NDUFAF6: variants seen among roughly 807,000 people sequenced by gnomAD.
NDUFAF6 encodes NADH dehydrogenase (ubiquinone) complex I, assembly factor 6.
In NDUFAF6, 45 loss-of-function variants were observed where a neutral mutation model predicts 40.8. The observed-to-expected ratio is 1.10, with a 90% CI of 0.87 to 1.42. The LOEUF is 1.42. Among genes scored for constraint, NDUFAF6 ranks in the 40% most tolerant of loss-of-function variants. NDUFAF6 has a pLI of 0.00. For missense variants in NDUFAF6, 435 were observed against 418.5 expected (o/e 1.04, Z -0.34); for synonymous variants, 185 against 155.9 (o/e 1.19, Z -1.39).
intron 7 of NDUFAF6, among the ~76,000 whole-genome samples, chr8:95,051,063 T>TA (rs925325902): frequency 8.6e-5 from 13 of 152,028 alleles, no homozygotes; most frequent in African/African-American, 2.9e-4. Context: ...GATGGACTAT[T>TA]AAAAAAATGC....
upstream of NDUFAF6, among the ~76,000 whole-genome samples, chr8:94,955,595 G>A (rs949023700): frequency 6.6e-6 from 1 of 152,206 alleles, no homozygotes; most frequent in Admixed American, 6.5e-5. Context: ...GAAATAGGAT[G>A]TTATTTATTT....
upstream of NDUFAF6, among the ~76,000 whole-genome samples, chr8:95,020,460 T>G (rs1387091826): frequency 6.6e-6 from 1 of 152,168 alleles, no homozygotes; most frequent in Non-Finnish European, 1.5e-5. Flanking sequence ...TATGGTGCCT[T>G]GTTATAAATG....
At chr8:94,968,993 A>C (rs894829624) in intron 1 of NDUFAF6, among the ~76,000 whole-genome samples, 18 of 152,094 alleles carry the variant, frequency 1.2e-4, no homozygotes, top group African/African-American at 4.8e-5. Context: ...GATGAACCTG[A>C]GAGAGCAAAT....
chr8:95,078,662 A>AAAAAAATATATATATATATATAT (rs545018367), downstream of NDUFAF6: 2 of 121,050 alleles, frequency 1.7e-5, no homozygotes, highest in African/African-American at 6.6e-5. Flanking sequence ...AAAAAAAAAA[A>AAAAAAATATATATATATATATAT]ATATATATAT....
At chr8:95,080,209 T>C (rs1302811857), downstream of NDUFAF6, among the ~76,000 whole-genome samples, 1 of 151,724 alleles carries the variant, frequency 6.6e-6, no homozygotes, top group Non-Finnish European at 1.5e-5. Context: ...TTTTTTGTAG[T>C]GTATTTTTGT....
chr8:95,068,847 T>C (rs1832763340), intron 9 of NDUFAF6: 1 of 151,876 alleles, frequency 6.6e-6, no homozygotes, highest in African/African-American at 2.4e-5. Flanking sequence ...CCACTCCAAT[T>C]TCTTTTCTGC....
chr8:95,015,614 T>TA (rs1827408778), intron 2 of NDUFAF6, among the ~76,000 whole-genome samples: 1 of 152,236 alleles, frequency 6.6e-6, no homozygotes, highest in African/African-American at 2.4e-5. Flanking sequence ...ACTTTGAGCA[T>TA]TCACTTATTT....
intron 1 of NDUFAF6, among the ~76,000 whole-genome samples, chr8:94,936,379 G>C (rs568840790): frequency 6.6e-6 from 1 of 152,316 alleles, no homozygotes; most frequent in East Asian, 1.9e-4. Context: ...CTCTGGAACT[G>C]TGTGAGGAGC....
chr8:94,907,426 G>A (rs150608308), intron 1 of NDUFAF6, among the ~76,000 whole-genome samples: 1 of 152,312 alleles, frequency 6.6e-6, no homozygotes, highest in African/African-American at 2.4e-5. Flanking sequence ...CGTGCTGTGT[G>A]AGACACAGAT....
intron 8 of NDUFAF6, among the ~76,000 whole-genome samples, chr8:95,053,028 T>G (rs1238552632): frequency 6.6e-6 from 1 of 152,208 alleles, no homozygotes; most frequent in African/African-American, 2.4e-5. Flanking sequence ...TTGTAATCTT[T>G]GAAAATTGTA....
chr8:95,011,481 C>G lies in NDUFAF6; in HGVS notation c.-83-20514C>G, dbSNP rs187240173. Among the ~76,000 whole-genome samples the G allele has an allele frequency of 9.2e-5, 14 of 152,282 alleles. No individual in the cohort carries two copies. The East Asian group carries it at 2.1e-3, about 23-fold the overall frequency. ...TTCTTGCTTTAAGTGGCACTTTCCA[C>G]TTCTTATTCCAGAGGGAAATAACTG... is the stretch of plus-strand genomic sequence containing the variant. On this transcript the variant is annotated intron_variant, in intron 2 of 9. Transcript: ENST00000396111.
At chr8:94,985,676 C>T (rs1825846445) in intron 2 of NDUFAF6, among the ~76,000 whole-genome samples, 1 of 147,610 alleles carries the variant, frequency 6.8e-6, no homozygotes, top group Non-Finnish European at 1.5e-5. Context: ...GGTGGGATTA[C>T]AGGCATGCAC....
chr8:94,965,289 C>G (rs1823924512), intron 1 of NDUFAF6, among the ~76,000 whole-genome samples: 1 of 152,166 alleles, frequency 6.6e-6, no homozygotes, highest in South Asian at 2.1e-4. Context: ...CCAACAGGTG[C>G]AAAGACAGTC....
chr8:95,075,817 G>A (rs6980872), exon 10 of NDUFAF6: 156,356 of 605,108 alleles, frequency 0.26, 20,744 homozygotes, highest in Middle Eastern at 0.32. Context: ...ACTCGAACAC[G>A]CACACACTTC....
chr8:95,111,279 A>G (rs1013499407), intron 4 of NDUFAF6, among the ~76,000 whole-genome samples: 14 of 152,246 alleles, frequency 9.2e-5, no homozygotes, highest in Non-Finnish European at 1.9e-4. Context: ...GAGCAACTCT[A>G]TGCAAGATCA....
intron 8 of NDUFAF6, among the ~76,000 whole-genome samples, chr8:95,054,623 A>G (rs1168031977): frequency 6.6e-6 from 1 of 151,340 alleles, no homozygotes; most frequent in African/African-American, 2.4e-5. Context: ...TTAGTAGAGG[A>G]GGGGTTTCCC....
At chr8:94,984,177 A>G (rs926345123) in intron 2 of NDUFAF6, 1 of 152,218 alleles carries the variant, frequency 6.6e-6, no homozygotes. Context: ...AACATACACA[A>G]AAGTAGAGCA....
At chr8:95,094,322 G>A (rs2132067992) in intron 2 of NDUFAF6, among the ~76,000 whole-genome samples, 1 of 149,432 alleles carries the variant, frequency 6.7e-6, no homozygotes, top group South Asian at 2.1e-4. Flanking sequence ...TTTGGCCACT[G>A]TGCCCAACTA....
At chr8:95,059,017 A>G (rs1414473631), downstream of NDUFAF6, among the ~76,000 whole-genome samples, 1 of 152,210 alleles carries the variant, frequency 6.6e-6, no homozygotes, top group Non-Finnish European at 1.5e-5. Flanking sequence ...CCTGGGTAAC[A>G]GAGCAAGACC....
Sources: gnomAD v4.1 joint callset for allele counts (sites outside exome capture counted in the v4.1 genomes callset) on GRCh38, gnomAD v4.1.1 for gene constraint, MANE v1.5 for transcripts, NCBI Gene and HGNC (gene_info 2026-07-23, HGNC 2026-07-21) for gene names.